The following PTPRD variants were observed in gnomAD, a reference collection of about 807,000 sequenced individuals.
PTPRD encodes the protein protein tyrosine phosphatase receptor type D, also known as receptor-type tyrosine-protein phosphatase delta.
PTPRD carries 34 observed loss-of-function variants against 214.5 expected under a neutral mutation model. That is an observed-to-expected ratio of 0.16 (90% CI 0.12 to 0.21). The LOEUF (loss-of-function observed/expected upper bound fraction) is 0.21, where lower values mean the gene tolerates loss of function less well. Ranked by LOEUF, PTPRD falls within the 10% of genes least tolerant of loss-of-function variation. PTPRD has a pLI of 1.00. For synonymous variants in PTPRD, 1,128 were observed against 845.7 expected, an observed-to-expected ratio of 1.33 and a Z score of -5.79; for missense variants, 2,545 against 2,398.7, an observed-to-expected ratio of 1.06 and a Z score of -1.27.
intron 5 of PTPRD, among the ~76,000 whole-genome samples, chr9:9,774,219 A>G (rs1459682104): frequency 1.3e-5 from 2 of 152,228 alleles, no homozygotes; most frequent in Non-Finnish European, 2.9e-5. Flanking sequence ...TCATTAAAAC[A>G]CATGGAGTTT....
chr9:8,975,800 ATT>A (rs146176709), intron 11 of PTPRD, among the ~76,000 whole-genome samples: 14 of 151,134 alleles, frequency 9.3e-5, no homozygotes, highest in African/African-American at 2.9e-4. Flanking sequence ...ATATATATAT[ATT>A]TGTATATATA....
At chr9:9,316,005 T>C (rs1218110818) in intron 9 of PTPRD, among the ~76,000 whole-genome samples, 1 of 151,966 alleles carries the variant, frequency 6.6e-6, no homozygotes, top group Admixed American at 6.6e-5. Flanking sequence ...AAATAAAGTA[T>C]ACCAGTATGC....
At chr9:8,503,116 T>C (rs1221257493) in intron 23 of PTPRD, among the ~76,000 whole-genome samples, 1 of 152,028 alleles carries the variant, frequency 6.6e-6, no homozygotes, top group Non-Finnish European at 1.5e-5. Flanking sequence ...ATCCTAATCA[T>C]TTTCATGTGA....
intron 5 of PTPRD, among the ~76,000 whole-genome samples, chr9:9,806,673 G>A (rs954271487): frequency 6.6e-6 from 1 of 152,132 alleles, no homozygotes; most frequent in Non-Finnish European, 1.5e-5. Flanking sequence ...GAGCCTTGCT[G>A]CTCACACTAA....
intron 11 of PTPRD, among the ~76,000 whole-genome samples, chr9:8,809,709 C>T (rs193130752): frequency 9.9e-5 from 15 of 152,272 alleles, no homozygotes; most frequent in Non-Finnish European, 1.9e-4. Flanking sequence ...GTTTACTCTG[C>T]GTACAAATCC....
intron 5 of PTPRD, among the ~76,000 whole-genome samples, chr9:9,811,959 G>A (rs1203705609): frequency 1.3e-5 from 2 of 152,058 alleles, no homozygotes; most frequent in Non-Finnish European, 2.9e-5. Context: ...AAACTTTACT[G>A]TTATCTTAAA....
intron 9 of PTPRD, among the ~76,000 whole-genome samples, chr9:9,277,551 T>A (rs1272407382): frequency 6.6e-6 from 1 of 151,396 alleles, no homozygotes; most frequent in Non-Finnish European, 1.5e-5. Flanking sequence ...AAGGATCTCT[T>A]ACCCAAATAT....
At chr9:9,429,808 T>C (rs1304287188) in intron 8 of PTPRD, among the ~76,000 whole-genome samples, 1 of 152,132 alleles carries the variant, frequency 6.6e-6, no homozygotes, top group Non-Finnish European at 1.5e-5. Flanking sequence ...ACCCACATGA[T>C]AGTCTCAATA....
intron 4 of PTPRD, among the ~76,000 whole-genome samples, chr9:9,942,781 A>G (rs1461947475): frequency 6.6e-6 from 1 of 152,150 alleles, no homozygotes; most frequent in Non-Finnish European, 1.5e-5. Context: ...GAAATTTGTT[A>G]ATAGCTTTGC....
intron 33 of PTPRD, among the ~76,000 whole-genome samples, chr9:8,453,727 A>G (rs1251570075): frequency 6.6e-6 from 1 of 152,164 alleles, no homozygotes; most frequent in African/African-American, 2.4e-5. Context: ...AAGGCTTGTT[A>G]AAATACAGCC....
chr9:8,674,047 G>A (rs909265844), intron 12 of PTPRD, among the ~76,000 whole-genome samples: 1 of 152,130 alleles, frequency 6.6e-6, no homozygotes, highest in Non-Finnish European at 1.5e-5. Flanking sequence ...CCTTCACTGT[G>A]TCACATTGCT....
At chr9:9,506,411 G>A (rs2096571991) in intron 8 of PTPRD, among the ~76,000 whole-genome samples, 1 of 151,286 alleles carries the variant, frequency 6.6e-6, no homozygotes, top group Non-Finnish European at 1.5e-5. Context: ...CTTACTTCTT[G>A]GAGATTAGTT....
At chr9:9,503,807 A>C (rs2096496935) in intron 8 of PTPRD, among the ~76,000 whole-genome samples, 1 of 151,740 alleles carries the variant, frequency 6.6e-6, no homozygotes, top group African/African-American at 2.4e-5. Context: ...ATTCTTGGGC[A>C]TGTATGCCTA....
chr9:9,984,876 C>A (rs1318256705), intron 4 of PTPRD, among the ~76,000 whole-genome samples: 2 of 152,108 alleles, frequency 1.3e-5, no homozygotes, highest in African/African-American at 4.8e-5. Context: ...CTCACTCTCA[C>A]ACTCCTGACC....
intron 11 of PTPRD, among the ~76,000 whole-genome samples, chr9:9,015,861 T>G (rs1403323311): frequency 6.6e-6 from 1 of 152,142 alleles, no homozygotes; most frequent in Non-Finnish European, 1.5e-5. Flanking sequence ...ACCACCAATT[T>G]TTGACCATAA....
intron 5 of PTPRD, among the ~76,000 whole-genome samples, chr9:9,924,753 T>A (rs1230189766): frequency 6.6e-6 from 1 of 152,100 alleles, no homozygotes; most frequent in Non-Finnish European, 1.5e-5. Context: ...GCTTTAAAAA[T>A]TAGCTTATTC....
At chr9:9,257,601 G>C (rs750380517) in intron 9 of PTPRD, among the ~76,000 whole-genome samples, 52 of 151,918 alleles carry the variant, frequency 3.4e-4, no homozygotes, top group Non-Finnish European at 5.9e-4. Flanking sequence ...AGACCAGACT[G>C]GGCAGCATAG....
intron 4 of PTPRD, among the ~76,000 whole-genome samples, chr9:9,997,206 G>A (rs1487536471): frequency 6.6e-6 from 1 of 151,278 alleles, no homozygotes; most frequent in East Asian, 1.9e-4. Context: ...CAAAATAACT[G>A]AAATTAAAAA....
intron 12 of PTPRD, among the ~76,000 whole-genome samples, chr9:8,714,738 T>C (rs948995514): frequency 1.3e-5 from 2 of 152,124 alleles, no homozygotes; most frequent in Non-Finnish European, 2.9e-5. Context: ...GACTACCCAA[T>C]TTTAAATCAC....
Sources: gnomAD v4.1 joint callset for allele counts (sites outside exome capture counted in the v4.1 genomes callset) on GRCh38, gnomAD v4.1.1 for gene constraint, MANE v1.5 for transcripts, NCBI Gene and HGNC (gene_info 2026-07-23, HGNC 2026-07-21) for gene names.